Variants in NFS1 observed in about 807,000 individuals in gnomAD.
NFS1 encodes the protein NFS1 cysteine desulfurase.
In NFS1, 26 loss-of-function variants were observed where a neutral mutation model predicts 57.3. The ratio of observed to expected loss-of-function variants is 0.45; its 90% CI spans 0.33 to 0.63. The LOEUF (loss-of-function observed/expected upper bound fraction) is 0.63. Among genes scored for constraint, NFS1 ranks in the 20% least tolerant of loss-of-function variants. The probability of loss-of-function intolerance (pLI) is 0.02; values close to 1 mark genes in which losing one functional copy is unlikely to be tolerated. For missense variants in NFS1, 505 were observed against 605.8 expected (o/e 0.83, Z 1.75); for synonymous variants, 209 against 216.3 (o/e 0.97, Z 0.30).
In NFS1 at chr20:35,675,095, A is replaced by C. The variant is rs1453693014; in HGVS notation, c.898T>G (p.Leu300Val). 6.2e-7 allele frequency: 1 copy of C among 1,613,996 alleles called. No individual in the cohort carries two copies. ...GMRSGTVPTP[L>V]VVGLGAACEV... ...CACGCAGCCCCCAGCCCCACCACTAAGGGTGTGGGCACTGTCCCAGACCGC... is the reference window on the plus strand; with the variant it reads ...CACGCAGCCCCCAGCCCCACCACTACGGGTGTGGGCACTGTCCCAGACCGC... The change falls in exon 8 of 13, where the codon TTA (leucine) becomes GTA (valine). Residue 300 changes from leucine (L) to valine (V), a missense_variant. Physicochemically the swap from Leu to Val is conservative, Grantham distance 32. Transcript: ENST00000374092.
chr20:35,699,187 C>T lies in NFS1; in HGVS notation c.97+5G>A. On this transcript the variant is annotated splice_donor_5th_base_variant and intron_variant, in intron 1 of 12. Transcript: ENST00000374092. The surrounding 1 kb of genome is among the most constrained non-coding windows in gnomAD (Gnocchi z 4.4). ...CGCCTCCCGGAGAGCGGGACCCGAG[C>T]GTACCGCGCAGGCGCAGCCCCCGAG... 1.4e-6 allele frequency: 2 copies of T among 1,402,644 alleles called. No individual in the cohort carries two copies. Among genetic ancestry groups the T allele is most frequent in the Non-Finnish European group, 1.8e-6 (2 of 1,088,418 alleles). The allele number at this position is 1,402,644 out of a possible 1,614,324, so 86.9% of individuals were successfully genotyped here. A position where few individuals can be genotyped will look rare whatever the true frequency, so the allele number is the denominator to read the frequency against.
intron 12 of NFS1, 56 bp downstream of exon 12, chr20:35,672,699 A>G: frequency 1.6e-6 from 2 of 1,221,440 alleles, no homozygotes; most frequent in Non-Finnish European, 2.4e-6. Context: ...CCTAAGGACA[A>G]GAGGGGAGAC....
At chr20:35,671,180 T>C (rs2034647811) in intron 12 of NFS1, among the ~76,000 whole-genome samples, 1 of 152,200 alleles carries the variant, frequency 6.6e-6, no homozygotes, top group Non-Finnish European at 1.5e-5. Flanking sequence ...CTCAGCTCAC[T>C]GCAAGCTCTG....
rs1433668967 is a variant in NFS1 at position 35,674,381 on chromosome 20, C to A, written c.1105G>T (p.Ala369Ser). ...AYVEGESLLM[A>S]LKDVALSSGS... The stretch of plus-strand genomic sequence containing the variant: ...GAGGATAAGGCAACGTCCTTCAGTG[C>A]CATCAGCAGACTTTCCCCTTCCACA... The change falls in exon 10 of 13, where the codon GCA becomes TCA. Residue 369 changes from alanine (A) to serine (S), a missense_variant. Transcript: ENST00000374092. The A allele has an allele frequency of 6.2e-7, 1 of 1,614,028 alleles. No homozygotes were observed. Among genetic ancestry groups the A allele is most frequent in the Non-Finnish European group, 8.5e-7 (1 of 1,179,938 alleles).
rs1197784637 is a variant in NFS1 at position 35,697,694 on chromosome 20, C to T, written c.314G>A (p.Arg105His). 2 of 1,612,184 alleles carry T rather than the reference C, an allele frequency of 1.2e-6. No individual in the cohort carries two copies. The highest frequency in any genetic ancestry group is 1.7e-6 in the Non-Finnish European group (2 of 1,178,804). ...YGWESEAAMERARQQVASLIG... is the reference protein window; with the variant it reads ...YGWESEAAMEHARQQVASLIG... The stretch of plus-strand genomic sequence containing the variant: ...CTCCTGTGTACTAACCTGACGAGCA[C>T]GTTCCATGGCTGCCTCACTCTCCCA... The change falls in exon 3 of 13, where the codon CGT becomes CAT. Residue 105 changes from arginine to histidine, a missense_variant. Coordinates refer to ENST00000374092, the MANE Select transcript of NFS1 (RefSeq NM_021100.5).
chr20:35,698,879 G>A (rs2035191912), intron 1 of NFS1: 1 of 1,343,330 alleles, frequency 7.4e-7, no homozygotes, highest in African/African-American at 1.5e-5. Context: ...TGGAGCCAGA[G>A]TAGGTGCAGT....
intron 5 of NFS1, among the ~76,000 whole-genome samples, chr20:35,686,063 G>A (rs1302684219): frequency 6.6e-6 from 1 of 150,632 alleles, no homozygotes; most frequent in Non-Finnish European, 1.5e-5. Context: ...CCAAGTAGCT[G>A]GGATTACAGG....
rs751131043 is a variant in NFS1 at position 35,682,010 on chromosome 20, G to C, written c.562-29C>G. On this transcript the variant is annotated intron_variant, in intron 5 of 12. Transcript: ENST00000374092. ...GGGATATGCAGGAGTAAGGTGACTA[G>C]ATAGTACAAACAAAGTCCTCCTAAA... The C allele has an allele frequency of 7.4e-6, 10 of 1,359,916 alleles. No homozygotes were observed. In the Admixed American group the frequency reaches 1.7e-4, roughly 23 times the overall value. 84.2% of individuals were successfully genotyped at this position (1,359,916 alleles called of 1,614,324 possible).
chr20:35,685,106 C>T (rs1184566996), intron 5 of NFS1, among the ~76,000 whole-genome samples: 1 of 151,364 alleles, frequency 6.6e-6, no homozygotes, highest in East Asian at 1.9e-4. Context: ...AGGCTAGTCT[C>T]GAACTCCTGA....
At position 35,699,097 on chromosome 20, in the gene NFS1, C is replaced by T. The variant is rs1201508108; in HGVS notation, c.97+95G>A. The T allele has an allele frequency of 3.0e-6, 4 of 1,352,628 alleles. No homozygotes were observed. In the East Asian group the frequency reaches 1.2e-4, roughly 42 times the overall value. 83.8% of individuals were successfully genotyped at this position (1,352,628 alleles called of 1,614,324 possible). ...TGAGAGAAGGGTCAGAGGGTCTGGG[C>T]AGCAGGGTGGACAGGAAGGCTCCGG... is the stretch of plus-strand genomic sequence containing the variant. On this transcript the variant is annotated intron_variant, in intron 1 of 12. Coordinates refer to ENST00000374092, the MANE Select transcript of NFS1 (RefSeq NM_021100.5). The surrounding 1 kb of genome is among the most constrained non-coding windows in gnomAD (Gnocchi z 4.4).
At chr20:35,673,152 G>T (rs567282638) in intron 11 of NFS1, among the ~76,000 whole-genome samples, 1 of 152,186 alleles carries the variant, frequency 6.6e-6, no homozygotes, top group Admixed American at 6.5e-5. Context: ...GCTGGGCCTG[G>T]TGGCACATGT....
At chr20:35,688,773 A>C (rs2034989930) in intron 5 of NFS1, among the ~76,000 whole-genome samples, 2 of 151,460 alleles carry the variant, frequency 1.3e-5, no homozygotes, top group African/African-American at 4.9e-5. Flanking sequence ...GGGAGGGAAA[A>C]GAGGGAGAAA....
intron 7 of NFS1, among the ~76,000 whole-genome samples, chr20:35,678,398 G>C (rs934353181): frequency 1.3e-4 from 20 of 151,276 alleles, no homozygotes; most frequent in Non-Finnish European, 2.8e-4. Context: ...CGTGGTGGCA[G>C]GCACCTGTAA....
chr20:35,677,615 A>G lies in NFS1; in HGVS notation c.791-2413T>C, dbSNP rs535770536. Among the ~76,000 whole-genome samples the G allele has an allele frequency of 3.9e-5, 6 of 152,330 alleles. No homozygotes were observed. The East Asian group carries it at 1.2e-3, about 29-fold the overall frequency. On this transcript the variant is annotated intron_variant, in intron 7 of 12. Transcript: ENST00000374092. The stretch of plus-strand genomic sequence containing the variant: ...AATTACAGAAATTTTGTGCCAAAAT[A>G]TGAGCATGAGCATGCAAAGTTATTC...
At position 35,673,361 on chromosome 20, in the gene NFS1, C is replaced by T. The variant is rs73616696; in HGVS notation, c.1220+240G>A. ...CCTGAGATGTTTTCTACTCCTCCTCCGGACCTAGTGAATCAGAATATCTGA... is the reference window on the plus strand; with the variant it reads ...CCTGAGATGTTTTCTACTCCTCCTCTGGACCTAGTGAATCAGAATATCTGA... On this transcript the variant is annotated intron_variant, in intron 11 of 12. Coordinates refer to ENST00000374092, the MANE Select transcript of NFS1 (RefSeq NM_021100.5). Among the ~76,000 whole-genome samples, 977 of 152,048 alleles carry T rather than the reference C, an allele frequency of 6.4e-3. 8 individuals carry two copies. The highest frequency in any genetic ancestry group is 0.041 in the East Asian group (212 of 5,170).
At chr20:35,687,479 G>C (rs2034965874) in intron 5 of NFS1, among the ~76,000 whole-genome samples, 4 of 151,862 alleles carry the variant, frequency 2.6e-5, no homozygotes, top group Admixed American at 1.3e-4. Flanking sequence ...CTGTCCAATG[G>C]ACACGTGACC....
chr20:35,676,786 C>CAAAAAAAAAAAAAAAAAAAAA (rs2034758258), intron 7 of NFS1, among the ~76,000 whole-genome samples: 1 of 64,282 alleles, frequency 1.6e-5, no homozygotes, highest in Non-Finnish European at 3.1e-5. Context: ...AAAAAAAAAA[C>CAAAAAAAAAAAAAAAAAAAAA]CAAGAAAGAA....
At chr20:35,693,607 C>A (rs1425004489) in intron 4 of NFS1, among the ~76,000 whole-genome samples, 2 of 152,082 alleles carry the variant, frequency 1.3e-5, no homozygotes, top group Non-Finnish European at 2.9e-5. Flanking sequence ...GCAGGAGGAT[C>A]ACATGAGCCC....
At chr20:35,676,757 A>AG (rs1180304658) in intron 7 of NFS1, among the ~76,000 whole-genome samples, 1 of 130,024 alleles carries the variant, frequency 7.7e-6, no homozygotes, top group Non-Finnish European at 1.6e-5. Flanking sequence ...AGAGAAAATC[A>AG]GAAAAAAAAA....
Sources: gnomAD v4.1 joint callset for allele counts (sites outside exome capture counted in the v4.1 genomes callset) on GRCh38, gnomAD v4.1.1 for gene constraint, Gnocchi (gnomAD v3.1) non-coding constraint, MANE v1.5 for transcripts, NCBI Gene and HGNC (gene_info 2026-07-23, HGNC 2026-07-21) for gene names.